The following SH3BGRL variants were observed in gnomAD, a reference collection of about 807,000 sequenced individuals.
SH3BGRL encodes the protein SH3 domain binding glutamate rich protein like.
Under a neutral mutation model 9.8 loss-of-function variants are expected in SH3BGRL, and 7 were observed. That is an observed-to-expected ratio of 0.72 (90% CI 0.41 to 1.35). SH3BGRL has a LOEUF of 1.35. SH3BGRL is among the 40% of genes most tolerant of loss of function. The pLI is 0.01. For missense variants in SH3BGRL, 73 were observed against 84.4 expected (o/e 0.86, Z 0.53); for synonymous variants, 36 against 29.1 (o/e 1.24, Z -0.76).
At chrX:81,283,838 G>C (rs1275551497) in intron 3 of SH3BGRL, among the ~76,000 whole-genome samples, 1 of 111,015 alleles carries the variant, frequency 9.0e-6, no homozygotes, top group Non-Finnish European at 1.9e-5. Flanking sequence ...ACAAGAGAAA[G>C]AAATAAAGGG....
chrX:81,287,781 A>G (rs1372682623), intron 3 of SH3BGRL, among the ~76,000 whole-genome samples: 1 of 110,779 alleles, frequency 9.0e-6, no homozygotes, highest in East Asian at 2.8e-4. Flanking sequence ...TGCACATGCA[A>G]CCCAGAACTT....
intron 1 of SH3BGRL, among the ~76,000 whole-genome samples, chrX:81,243,790 A>G (rs1386433983): frequency 1.8e-5 from 2 of 111,740 alleles, no homozygotes; most frequent in Non-Finnish European, 3.8e-5. Context: ...ATTTACATTA[A>G]TAATCATAAT....
Position 81,284,465 on chromosome X carries a change from A to T in SH3BGRL, c.312+6054A>T, listed in dbSNP as rs754794769. Among the ~76,000 whole-genome samples the T allele has an allele frequency of 1.3e-3, 138 of 110,328 alleles. 2 individuals are homozygous for T. Among genetic ancestry groups the T allele is most frequent in the Non-Finnish European group, 2.4e-3 (129 of 52,689 alleles). Reference sequence around the variant, plus strand: ...AGTTGCTTGTGCCTGTAAAGACCTGAGCGGGATTAAAGCTAGCCATGGGAT... The same window carrying T: ...AGTTGCTTGTGCCTGTAAAGACCTGTGCGGGATTAAAGCTAGCCATGGGAT... On this transcript the variant is annotated intron_variant, in intron 3 of 3. Coordinates refer to ENST00000373212, the MANE Select transcript of SH3BGRL (RefSeq NM_003022.3).
chrX:81,276,860 G>C (rs1215111256), intron 1 of SH3BGRL, 124 bp from the exon 2 acceptor site: 3 of 559,988 alleles, frequency 5.4e-6, no homozygotes, highest in Non-Finnish European at 8.4e-6. Context: ...ATAATAAAGA[G>C]TGAAAATCAT....
intron 3 of SH3BGRL, among the ~76,000 whole-genome samples, chrX:81,296,863 C>T (rs1310532867): frequency 9.0e-6 from 1 of 110,652 alleles, no homozygotes; most frequent in African/African-American, 3.3e-5. Flanking sequence ...ACTTAAGTAA[C>T]CATGTTTTTA....
intron 1 of SH3BGRL, among the ~76,000 whole-genome samples, chrX:81,269,366 T>C (rs984341721): frequency 2.7e-5 from 3 of 111,876 alleles, no homozygotes; most frequent in Non-Finnish European, 5.6e-5. Flanking sequence ...AGTTGCTCCT[T>C]TCCAAGTTTA....
At chrX:81,221,628 A>G in intron 1 of SH3BGRL, among the ~76,000 whole-genome samples, 1 of 111,799 alleles carries the variant, frequency 8.9e-6, no homozygotes, top group Non-Finnish European at 1.9e-5. Flanking sequence ...AGGAGTTAAT[A>G]AGCATAAGAA....
At chrX:81,275,128 G>T (rs143348431) in intron 1 of SH3BGRL, among the ~76,000 whole-genome samples, 6 of 111,427 alleles carry the variant, frequency 5.4e-5, no homozygotes, top group South Asian at 3.7e-4. Context: ...CATTCAATAA[G>T]GTAGGAAAAG....
intron 1 of SH3BGRL, among the ~76,000 whole-genome samples, chrX:81,267,392 G>C (rs1415618223): frequency 1.8e-5 from 2 of 111,716 alleles, no homozygotes; most frequent in African/African-American, 6.5e-5. Flanking sequence ...CTGATACCTA[G>C]TTTATTGAGA....
chrX:81,296,662 G>C (rs770391573), intron 3 of SH3BGRL, among the ~76,000 whole-genome samples: 1 of 111,528 alleles, frequency 9.0e-6, no homozygotes, highest in African/African-American at 3.3e-5. Flanking sequence ...TTTCCTTGAA[G>C]TTTATTTTGT....
chrX:81,207,254 T>C (rs1395036472), intron 1 of SH3BGRL, among the ~76,000 whole-genome samples: 1 of 112,028 alleles, frequency 8.9e-6, no homozygotes, highest in Non-Finnish European at 1.9e-5. Context: ...AATTTTAAGA[T>C]TGTGGGAAAT....
rs1283504913 is a variant in SH3BGRL at position 81,277,186 on chromosome X, A to C, written c.231+17A>C. 8.4e-7 allele frequency: 1 copy of C among 1,185,548 alleles called. No homozygotes were observed. Among genetic ancestry groups the C allele is most frequent in the Non-Finnish European group, 1.1e-6 (1 of 876,169 alleles). On this transcript the variant is annotated intron_variant, in intron 2 of 3. Coordinates refer to ENST00000373212, the MANE Select transcript of SH3BGRL (RefSeq NM_003022.3). Reference sequence around the variant, plus strand: ...TATCGCGGGGTAAGAAAACAATTTAAATTCTTGTTTATTGTAATAGATTGC... The same window carrying C: ...TATCGCGGGGTAAGAAAACAATTTACATTCTTGTTTATTGTAATAGATTGC...
chrX:81,223,709 T>A (rs1347937448), intron 1 of SH3BGRL, among the ~76,000 whole-genome samples: 1 of 111,325 alleles, frequency 9.0e-6, no homozygotes, highest in Non-Finnish European at 1.9e-5. Context: ...TTAAACTTTT[T>A]TTTTTCTTTG....
At chrX:81,273,768 C>A (rs186985226) in intron 1 of SH3BGRL, among the ~76,000 whole-genome samples, 1 of 109,656 alleles carries the variant, frequency 9.1e-6, no homozygotes, top group African/African-American at 3.3e-5. Flanking sequence ...TTCACACTGG[C>A]ACCTTCTAAA....
chrX:81,296,100 C>T (rs898820101), intron 3 of SH3BGRL, among the ~76,000 whole-genome samples: 2 of 111,678 alleles, frequency 1.8e-5, no homozygotes, highest in African/African-American at 6.5e-5. Flanking sequence ...GAGGAGGCCT[C>T]AGGAAACTTA....
intron 1 of SH3BGRL, among the ~76,000 whole-genome samples, chrX:81,246,007 C>T (rs1309669311): frequency 2.7e-5 from 3 of 111,801 alleles, no homozygotes; most frequent in African/African-American, 9.8e-5. Context: ...AGTAGCCATT[C>T]TGACTGGTGT....
At chrX:81,281,173 T>A (rs1277631393) in intron 3 of SH3BGRL, among the ~76,000 whole-genome samples, 8 of 110,766 alleles carry the variant, frequency 7.2e-5, no homozygotes, top group Non-Finnish European at 1.3e-4. Context: ...AGTCTGAGAT[T>A]ATGTTAAACG....
intron 1 of SH3BGRL, among the ~76,000 whole-genome samples, chrX:81,215,297 C>T (rs1159303318): frequency 9.0e-6 from 1 of 110,876 alleles, no homozygotes; most frequent in Non-Finnish European, 1.9e-5. Flanking sequence ...TGTTCAAGTG[C>T]AGAGCCTTGC....
chrX:81,271,107 TGCAGTATTTGG>T (rs2075777886), intron 1 of SH3BGRL, among the ~76,000 whole-genome samples: 1 of 111,704 alleles, frequency 9.0e-6, no homozygotes, highest in Non-Finnish European at 1.9e-5. Flanking sequence ...TTAGGAAAAG[TGCAGTATTTGG>T]GCAGGAGTGT....
Sources: gnomAD v4.1 joint callset for allele counts (sites outside exome capture counted in the v4.1 genomes callset) on GRCh38, gnomAD v4.1.1 for gene constraint, MANE v1.5 for transcripts, NCBI Gene and HGNC (gene_info 2026-07-23, HGNC 2026-07-21) for gene names.